The following C10orf67 variants were observed in gnomAD, a reference collection of about 807,000 sequenced individuals.
C10orf67 encodes the protein uncharacterized protein C10orf67, mitochondrial.
Under a neutral mutation model 35.6 loss-of-function variants are expected in C10orf67, and 60 were observed. The observed-to-expected ratio is 1.68, with a 90% CI of 1.37 to 2.09. The LOEUF is 2.09. C10orf67 is among the 30% of genes most tolerant of loss of function. The pLI, the probability that C10orf67 is intolerant of heterozygous loss-of-function variation, is 0.00. For synonymous variants in C10orf67, 167 were observed against 115.8 expected (o/e 1.44, Z -2.84); for missense variants, 474 against 330.2 (o/e 1.44, Z -3.38).
intron 10 of C10orf67, among the ~76,000 whole-genome samples, chr10:23,259,845 T>TA (rs970218330): frequency 2.6e-5 from 4 of 151,708 alleles, no homozygotes; most frequent in East Asian, 1.9e-4. Flanking sequence ...GAAGTTAGGT[T>TA]AAAAAAAAGA....
At chr10:23,341,676 C>G (rs1845889749) in intron 1 of C10orf67, among the ~76,000 whole-genome samples, 1 of 152,204 alleles carries the variant, frequency 6.6e-6, no homozygotes, top group Admixed American at 6.5e-5. Flanking sequence ...GACTTCACCT[C>G]CACTATTCTC....
intron 1 of C10orf67, 107 bp downstream of exon 1, chr10:23,344,462 G>A: frequency 9.3e-7 from 1 of 1,072,110 alleles, no homozygotes; most frequent in East Asian, 2.6e-5. Context: ...AGGCTGCTGC[G>A]ATACCCCAGA....
chr10:23,343,074 G>A (rs185320280), intron 1 of C10orf67, among the ~76,000 whole-genome samples: 11 of 152,342 alleles, frequency 7.2e-5, no homozygotes, highest in Admixed American at 6.5e-4. Context: ...AGAACACAGG[G>A]GGCAAAGGAT....
At chr10:23,249,211 G>A (rs900349586) in intron 12 of C10orf67, among the ~76,000 whole-genome samples, 9 of 148,562 alleles carry the variant, frequency 6.1e-5, no homozygotes, top group Middle Eastern at 3.5e-3. Context: ...GGTAAATCCC[G>A]TAGGGTCAGA....
At chr10:23,219,111 A>C (rs1458666112) in intron 15 of C10orf67, among the ~76,000 whole-genome samples, 1 of 152,228 alleles carries the variant, frequency 6.6e-6, no homozygotes, top group African/African-American at 2.4e-5. Context: ...AAGGGTAAAA[A>C]GAAAGATTTT....
In C10orf67 at chr10:23,291,141, A is replaced by C. The variant is rs770591055; in HGVS notation, c.841T>G (p.Ser281Ala). ...GATTTCAAAATGTTACCTAATCCTG[A>C]ATTTTCTTTTAGATTGATCTGGATT... is the stretch of plus-strand genomic sequence containing the variant. Reference protein sequence around the residue: ...EEIQINLKENSGLEDELISMK... With the variant: ...EEIQINLKENAGLEDELISMK... Residue 281 changes from serine (S) to alanine (A), a missense_variant, in exon 6 of 16, where the codon TCA (serine) becomes GCA (alanine). Physicochemically the swap from Ser to Ala is moderately conservative, Grantham distance 99 (BLOSUM62 1). Transcript: ENST00000636213. The C allele has an allele frequency of 3.1e-5, 22 of 708,294 alleles. No homozygotes were observed. Among genetic ancestry groups the C allele is most frequent in the Non-Finnish European group, 5.8e-5 (22 of 382,502 alleles). 43.9% of individuals were successfully genotyped at this position (708,294 alleles called of 1,614,324 possible). A position where few individuals can be genotyped will look rare whatever the true frequency, so the allele number is the denominator to read the frequency against.
At chr10:23,287,422 T>C (rs1053129782) in intron 7 of C10orf67, among the ~76,000 whole-genome samples, 1 of 152,198 alleles carries the variant, frequency 6.6e-6, no homozygotes, top group African/African-American at 2.4e-5. Flanking sequence ...TGGCTAGCCA[T>C]ATGCAGAAAA....
chr10:23,267,536 G>A (rs750956941), intron 8 of C10orf67, among the ~76,000 whole-genome samples: 8 of 152,150 alleles, frequency 5.3e-5, no homozygotes, highest in African/African-American at 9.7e-5. Context: ...AGGAAAACAT[G>A]CATTATTTGC....
intron 13 of C10orf67, among the ~76,000 whole-genome samples, chr10:23,235,254 A>G (rs918776440): frequency 9.9e-5 from 15 of 152,146 alleles, no homozygotes; most frequent in Admixed American, 9.8e-4. Flanking sequence ...ATATTATAAG[A>G]AATATATACA....
intron 13 of C10orf67, among the ~76,000 whole-genome samples, chr10:23,226,615 C>T (rs550694055): frequency 4.1e-4 from 62 of 152,006 alleles, no homozygotes; most frequent in African/African-American, 1.1e-3. Context: ...GAGATACAGA[C>T]GCAAAAAACC....
At chr10:23,336,525 T>C (rs1199550730) in intron 1 of C10orf67, among the ~76,000 whole-genome samples, 1 of 152,220 alleles carries the variant, frequency 6.6e-6, no homozygotes, top group Non-Finnish European at 1.5e-5. Context: ...TGTTTCAGTA[T>C]ATTTTTTGAG....
At chr10:23,208,660 G>A (rs1208500847) in intron 15 of C10orf67, among the ~76,000 whole-genome samples, 1 of 152,202 alleles carries the variant, frequency 6.6e-6, no homozygotes, top group African/African-American at 2.4e-5. Flanking sequence ...GAATGAATGA[G>A]TGAATGGATT....
At chr10:23,338,932 A>G (rs1224807355) in intron 1 of C10orf67, among the ~76,000 whole-genome samples, 1 of 152,218 alleles carries the variant, frequency 6.6e-6, no homozygotes, top group African/African-American at 2.4e-5. Flanking sequence ...AAGCAAATCC[A>G]TGAAAGAATG....
At chr10:23,226,408 C>A (rs1039780221) in intron 13 of C10orf67, among the ~76,000 whole-genome samples, 3 of 152,052 alleles carry the variant, frequency 2.0e-5, no homozygotes, top group African/African-American at 7.2e-5. Context: ...AAGGACACAA[C>A]ATACCAGAAT....
chr10:23,325,332 T>G (rs1227246596), intron 2 of C10orf67, among the ~76,000 whole-genome samples: 3 of 151,976 alleles, frequency 2.0e-5, no homozygotes, highest in African/African-American at 7.3e-5. Flanking sequence ...AGGGAGACTC[T>G]GTCTCATAAA....
At chr10:23,323,948 T>TATATAC (rs1564513686) in intron 2 of C10orf67, among the ~76,000 whole-genome samples, 1 of 47,516 alleles carries the variant, frequency 2.1e-5, no homozygotes, top group Non-Finnish European at 4.1e-5. Context: ...TATATATATA[T>TATATAC]ATATACACAC....
intron 8 of C10orf67, among the ~76,000 whole-genome samples, chr10:23,275,399 T>C (rs920547613): frequency 1.3e-5 from 2 of 152,214 alleles, no homozygotes; most frequent in African/African-American, 4.8e-5. Context: ...CTGTAAGTCC[T>C]GCCTCTCAAA....
intron 13 of C10orf67, among the ~76,000 whole-genome samples, chr10:23,228,140 T>C (rs2132116105): frequency 6.6e-6 from 1 of 152,310 alleles, no homozygotes; most frequent in African/African-American, 2.4e-5. Flanking sequence ...AAGACAATCC[T>C]AAGCCAAAAG....
intron 13 of C10orf67, among the ~76,000 whole-genome samples, chr10:23,237,115 A>G (rs1247571405): frequency 6.6e-6 from 1 of 152,094 alleles, no homozygotes; most frequent in African/African-American, 2.4e-5. Context: ...GCTCTCACTT[A>G]TAAGTGAGAA....
Sources: allele counts gnomAD v4.1 joint callset (sites outside exome capture counted in the v4.1 genomes callset), GRCh38; gene constraint gnomAD v4.1.1; transcripts MANE v1.5; gene names NCBI Gene and HGNC (gene_info 2026-07-23, HGNC 2026-07-21).